Variants in MAPKAPK5 observed in about 807,000 individuals in gnomAD.
MAPKAPK5 encodes MAP kinase-activated protein kinase 5.
In MAPKAPK5, 30 loss-of-function variants were observed where a neutral mutation model predicts 65.1. That is an observed-to-expected ratio of 0.46 (90% CI 0.34 to 0.63). The LOEUF is 0.63. MAPKAPK5 is among the 20% of genes least tolerant of loss of function. The probability of loss-of-function intolerance (pLI) is 0.01; values close to 1 mark genes in which losing one functional copy is unlikely to be tolerated. For synonymous variants in MAPKAPK5, 179 were observed against 204.6 expected, an observed-to-expected ratio of 0.87 and a Z score of 1.07; for missense variants, 433 against 581.4, an observed-to-expected ratio of 0.74 and a Z score of 2.63.
In MAPKAPK5 at chr12:111,899,498, A is replaced by T. The variant is rs971138257; in HGVS notation, c.*6437A>T. 3 of 174,948 alleles carry T rather than the reference A, an allele frequency of 1.7e-5. No homozygotes were observed. Among genetic ancestry groups the T allele is most frequent in the African/African-American group, 7.1e-5 (3 of 42,106 alleles). The allele number at this position is 174,948 out of a possible 1,614,324, so 10.8% of individuals were successfully genotyped here. A position where few individuals can be genotyped will look rare whatever the true frequency, so the allele number is the denominator to read the frequency against. On this transcript the variant is annotated 3_prime_UTR_variant, in exon 14 of 14. Transcript: ENST00000550735. ...GATCAATCTATTACTCTTTCTATGA[A>T]ATAATTATTCCAAAGAGGCTGACAG...
chr12:111,875,803 G>A (rs549553045), intron 7 of MAPKAPK5, among the ~76,000 whole-genome samples: 15 of 152,082 alleles, frequency 9.9e-5, no homozygotes, highest in African/African-American at 1.7e-4. Flanking sequence ...TTCCTCCTGC[G>A]CTCTGCCATA....
At position 111,880,505 on chromosome 12, in the gene MAPKAPK5, C is replaced by G. The variant is rs751526420; in HGVS notation, c.638C>G (p.Pro213Arg). ...AAATCTGGCATCATACCTACCTCAC[C>G]GACGCCCTACACTTACAACAAGGTA... Reference protein sequence around the residue: ...KEKSGIIPTSPTPYTYNKSCD... With the variant: ...KEKSGIIPTSRTPYTYNKSCD... Residue 213 changes from proline (P) to arginine (R), a missense_variant, in exon 8 of 14, where the codon CCG becomes CGG. Physicochemically the swap from Pro to Arg is moderately radical, Grantham distance 103. Coordinates refer to ENST00000550735, the MANE Select transcript of MAPKAPK5 (RefSeq NM_003668.4). 6 of 1,613,566 alleles carry G rather than the reference C, an allele frequency of 3.7e-6. No homozygotes were observed. Among genetic ancestry groups the G allele is most frequent in the Non-Finnish European group, 5.1e-6 (6 of 1,179,796 alleles).
Position 111,899,984 on chromosome 12 carries a change from C to T in MAPKAPK5, c.*6923C>T, listed in dbSNP as rs2070970338. ...ACGTGGAGATGTTTGTCGTGGTCAA[C>T]AACCAGCGGTTCCAGATGTGGGGCA... On this transcript the variant is annotated 3_prime_UTR_variant, in exon 14 of 14. Transcript: ENST00000550735. 4.4e-6 allele frequency: 2 copies of T among 455,972 alleles called. No individual in the cohort carries two copies. The highest frequency in any genetic ancestry group is 8.8e-6 in the Non-Finnish European group (2 of 226,810). The allele number at this position is 455,972 out of a possible 1,614,324, so 28.2% of individuals were successfully genotyped here.
intron 8 of MAPKAPK5, chr12:111,882,779 C>T: frequency 1.0e-6 from 1 of 985,232 alleles, no homozygotes; most frequent in Non-Finnish European, 1.2e-6. Context: ...ACCTTCTGTT[C>T]TTCCCTCCAG....
chr12:111,878,002 CT>C (rs35586161), intron 7 of MAPKAPK5, among the ~76,000 whole-genome samples: 28,428 of 140,288 alleles, frequency 0.2, 2,796 homozygotes, highest in Middle Eastern at 0.28. Context: ...GACTCTGACT[CT>C]TTTTTTTTTT....
chr12:111,843,476 A>G, intron 1 of MAPKAPK5: 1 of 389,830 alleles, frequency 2.6e-6, no homozygotes, highest in Non-Finnish European at 4.5e-6. Flanking sequence ...ACTCAGGGCC[A>G]GTTATCTGTC....
At position 111,842,527 on chromosome 12, in the gene MAPKAPK5, G is replaced by T. The variant is rs945112499; in HGVS notation, c.-207G>T. Reference sequence around the variant, plus strand: ...CCTGTCCCCAGGGGCCGCCGCCTCCGCCGCTGCTGCTGCCGCCAGCCTAGA... The same window carrying T: ...CCTGTCCCCAGGGGCCGCCGCCTCCTCCGCTGCTGCTGCCGCCAGCCTAGA... On this transcript the variant is annotated 5_prime_UTR_variant, in exon 1 of 14. Transcript: ENST00000550735. 5.3e-6 allele frequency: 2 copies of T among 378,342 alleles called. No homozygotes were observed. The highest frequency in any genetic ancestry group is 2.1e-5 in the African/African-American group (1 of 47,554). The allele number at this position is 378,342 out of a possible 1,614,324, so 23.4% of individuals were successfully genotyped here.
chr12:111,872,350 G>A (rs1366128302), intron 7 of MAPKAPK5, among the ~76,000 whole-genome samples: 1 of 152,064 alleles, frequency 6.6e-6, no homozygotes, highest in Non-Finnish European at 1.5e-5. Flanking sequence ...TTTTAATCAC[G>A]ACATTGTCCT....
chr12:111,866,882 G>C (rs1011105411), intron 3 of MAPKAPK5, among the ~76,000 whole-genome samples: 1 of 152,166 alleles, frequency 6.6e-6, no homozygotes, highest in Non-Finnish European at 1.5e-5. Context: ...GATTACAGGC[G>C]TGAGCCACTG....
intron 7 of MAPKAPK5, chr12:111,879,847 T>C (rs916629288): frequency 1.9e-5 from 3 of 154,618 alleles, no homozygotes; most frequent in African/African-American, 4.8e-5. Flanking sequence ...CCCAGCTTCA[T>C]GGGCACAGGG....
intron 1 of MAPKAPK5, among the ~76,000 whole-genome samples, chr12:111,846,966 A>G (rs1323539826): frequency 6.6e-6 from 1 of 152,088 alleles, no homozygotes; most frequent in Admixed American, 6.6e-5. Flanking sequence ...AGGGCTCACT[A>G]CTATCCAAGA....
chr12:111,866,103 A>G, intron 2 of MAPKAPK5, 53 bp from the exon 3 acceptor site: 2 of 1,368,338 alleles, frequency 1.5e-6, no homozygotes, highest in East Asian at 2.4e-5. Context: ...TGTTAAATTA[A>G]TTTTCATTCT....
rs2070919120 is a variant in MAPKAPK5 at position 111,898,921 on chromosome 12, A to T, written c.*5860A>T. ...TCAAGTTGTGTGGCCTGAGCTGAGG[A>T]TAAAGAATAATTTGCCTGAGGAGTT... On this transcript the variant is annotated 3_prime_UTR_variant, in exon 14 of 14. Transcript: ENST00000550735. The T allele has an allele frequency of 1.4e-5, 2 of 144,354 alleles. No homozygotes were observed. Among genetic ancestry groups the T allele is most frequent in the African/African-American group, 5.2e-5 (2 of 38,352 alleles). The allele number at this position is 144,354 out of a possible 1,614,324, so 8.9% of individuals were successfully genotyped here.
chr12:111,881,421 T>TTTTTTTTTTTTTTTC (rs2070219884), intron 8 of MAPKAPK5, among the ~76,000 whole-genome samples: 1 of 146,088 alleles, frequency 6.8e-6, no homozygotes, highest in Non-Finnish European at 1.5e-5. Context: ...TTTTTTTTTT[T>TTTTTTTTTTTTTTTC]TGAGACAGAG....
At chr12:111,866,907 T>G (rs1352026775) in intron 3 of MAPKAPK5, among the ~76,000 whole-genome samples, 2 of 152,116 alleles carry the variant, frequency 1.3e-5, no homozygotes, top group Non-Finnish European at 2.9e-5. Flanking sequence ...CGGCCTTTAG[T>G]TTTTAAAAAT....
rs1207323765 is a variant in MAPKAPK5, at chr12:111,898,792, C to CAAAG, written c.*5734_*5737dup. On this transcript the variant is annotated 3_prime_UTR_variant, in exon 14 of 14. Transcript: ENST00000550735. ...AATGAGGGAAAGAGGCAGTGGGCCA[C>CAAAG]AAAGAACTTTGTCCTTTTCAGAGAT... is the stretch of plus-strand genomic sequence containing the variant. The CAAAG allele has an allele frequency of 2.0e-5, 3 of 152,102 alleles. No homozygotes were observed. Among genetic ancestry groups the CAAAG allele is most frequent in the Non-Finnish European group, 2.9e-5 (2 of 68,016 alleles). The allele number at this position is 152,102 out of a possible 1,614,324, so 9.4% of individuals were successfully genotyped here.
intron 1 of MAPKAPK5, among the ~76,000 whole-genome samples, chr12:111,862,191 A>G (rs1018802401): frequency 6.6e-6 from 1 of 152,198 alleles, no homozygotes; most frequent in African/African-American, 2.4e-5. Context: ...GTGAAGCCTT[A>G]GCTGGCTAGT....
At chr12:111,866,641 C>T (rs1177294887) in intron 3 of MAPKAPK5, among the ~76,000 whole-genome samples, 2 of 152,236 alleles carry the variant, frequency 1.3e-5, no homozygotes, top group Non-Finnish European at 2.9e-5. Context: ...CAGAGTTTCA[C>T]TCTTGTTGCC....
chr12:111,897,950 G>A lies in MAPKAPK5; in HGVS notation c.*4889G>A, dbSNP rs995343655. 2 of 151,426 alleles carry A rather than the reference G, an allele frequency of 1.3e-5. No individual in the cohort carries two copies. Among genetic ancestry groups the A allele is most frequent in the African/African-American group, 2.4e-5 (1 of 41,194 alleles). 9.4% of individuals were successfully genotyped at this position (151,426 alleles called of 1,614,324 possible). Reference sequence around the variant, plus strand: ...CATCTAGAATGCACAGAATAACTGCGTAAGGAATGGGTGCATAGGGCTTCT... The same window carrying A: ...CATCTAGAATGCACAGAATAACTGCATAAGGAATGGGTGCATAGGGCTTCT... On this transcript the variant is annotated 3_prime_UTR_variant, in exon 14 of 14. Transcript: ENST00000550735.
Sources: allele counts gnomAD v4.1 joint callset (sites outside exome capture counted in the v4.1 genomes callset), GRCh38; gene constraint gnomAD v4.1.1; transcripts MANE v1.5; gene names NCBI Gene and HGNC (gene_info 2026-07-23, HGNC 2026-07-21).